Variants in ADAM12 observed in about 807,000 individuals in gnomAD.
The protein encoded by ADAM12 is disintegrin and metalloproteinase domain-containing protein 12.
In ADAM12, 70 loss-of-function variants were observed where a neutral mutation model predicts 106.4. The ratio of observed to expected loss-of-function variants is 0.66; its 90% CI spans 0.54 to 0.80. ADAM12 has a LOEUF of 0.80. Ranked by LOEUF, ADAM12 falls within the 30% of genes least tolerant of loss-of-function variation. The pLI, the probability that ADAM12 is intolerant of heterozygous loss-of-function variation, is 0.00. For missense variants in ADAM12, 1,010 were observed against 1,171.9 expected (o/e 0.86, Z 2.02); for synonymous variants, 420 against 433.5 (o/e 0.97, Z 0.39).
At chr10:126,081,381 A>G (rs200675742) in intron 11 of ADAM12, among the ~76,000 whole-genome samples, 15 of 36,992 alleles carry the variant, frequency 4.1e-4, no homozygotes, top group African/African-American at 1.6e-3. Context: ...TGATTGGGGG[A>G]AAAAAACAAA....
chr10:126,104,053 G>A (rs1026522473), intron 8 of ADAM12, among the ~76,000 whole-genome samples: 3 of 152,200 alleles, frequency 2.0e-5, no homozygotes, highest in East Asian at 1.9e-4. Context: ...ACAGTGAGGC[G>A]GAATCCCCTG....
chr10:126,098,623 G>A, intron 9 of ADAM12, 123 bp from the exon 10 acceptor site: 2 of 748,970 alleles, frequency 2.7e-6, no homozygotes. Context: ...CTGTATGAGG[G>A]TATATTCACA....
At chr10:126,120,847 G>A (rs1244042357) in intron 5 of ADAM12, among the ~76,000 whole-genome samples, 1 of 144,630 alleles carries the variant, frequency 6.9e-6, no homozygotes, top group Non-Finnish European at 1.5e-5. Context: ...AATGGAATGA[G>A]GTTTAGGGCA....
chr10:126,381,178 A>G (rs1194812069), intron 1 of ADAM12, among the ~76,000 whole-genome samples: 1 of 152,242 alleles, frequency 6.6e-6, no homozygotes, highest in Non-Finnish European at 1.5e-5. Flanking sequence ...TTGTTTCCAC[A>G]AGGAAGGAGT....
intron 14 of ADAM12, among the ~76,000 whole-genome samples, chr10:126,063,308 TAC>T (rs1194338341): frequency 6.6e-6 from 1 of 152,170 alleles, no homozygotes; most frequent in African/African-American, 2.4e-5. Flanking sequence ...AAGCTCCAAG[TAC>T]AGAGGACATC....
chr10:126,058,650 A>G (rs1379495472), intron 14 of ADAM12, among the ~76,000 whole-genome samples: 3 of 152,188 alleles, frequency 2.0e-5, no homozygotes, highest in Non-Finnish European at 4.4e-5. Context: ...AAAGGCACGG[A>G]GCCCGCAGAC....
At chr10:126,296,454 T>G (rs1005120291) in intron 2 of ADAM12, among the ~76,000 whole-genome samples, 2 of 152,164 alleles carry the variant, frequency 1.3e-5, no homozygotes, top group Non-Finnish European at 2.9e-5. Context: ...TTTTTAAATG[T>G]AGTCGAGAAG....
chr10:126,349,743 C>T (rs894203565), intron 1 of ADAM12, among the ~76,000 whole-genome samples: 3 of 152,146 alleles, frequency 2.0e-5, no homozygotes, highest in South Asian at 2.1e-4. Flanking sequence ...CTCAACAATC[C>T]GCATATCTCT....
At chr10:126,334,908 C>T (rs1191698053) in intron 1 of ADAM12, among the ~76,000 whole-genome samples, 4 of 152,210 alleles carry the variant, frequency 2.6e-5, no homozygotes, top group Non-Finnish European at 5.9e-5. Context: ...CTGACTCCTC[C>T]TCGATTTATT....
intron 14 of ADAM12, among the ~76,000 whole-genome samples, chr10:126,055,882 G>C (rs1413409500): frequency 6.6e-6 from 1 of 152,224 alleles, no homozygotes; most frequent in Non-Finnish European, 1.5e-5. Context: ...CCCTGCACCT[G>C]AGCATGCTTA....
intron 4 of ADAM12, among the ~76,000 whole-genome samples, chr10:126,142,673 G>A (rs1300089567): frequency 1.3e-5 from 2 of 151,040 alleles, no homozygotes; most frequent in Non-Finnish European, 3.0e-5. Context: ...CCAACAAAAA[G>A]CTATCACCTA....
At position 126,260,558 on chromosome 10, in the gene ADAM12, C is replaced by T. The variant is rs1290062626; in HGVS notation, c.260+18357G>A. The stretch of plus-strand genomic sequence containing the variant: ...TAAATGTTTACAGGCAAGCAGGTCC[C>T]TCATTCTGAACATACAGAGGTTGAA... On this transcript the variant is annotated intron_variant, in intron 3 of 22. Coordinates refer to ENST00000448723, the MANE Select transcript of ADAM12 (RefSeq NM_001288973.2). Among the ~76,000 whole-genome samples, 4 of 59,522 alleles carry T rather than the reference C, an allele frequency of 6.7e-5. No homozygotes were observed. The Admixed American group carries it at 7.0e-4, about 10-fold the overall frequency. The allele number at this position is 59,522 out of a possible 152,430, so 39.0% of individuals were successfully genotyped here. A position where few individuals can be genotyped will look rare whatever the true frequency, so the allele number is the denominator to read the frequency against.
intron 12 of ADAM12, among the ~76,000 whole-genome samples, chr10:126,067,307 G>T (rs7919935): frequency 6.6e-6 from 1 of 152,210 alleles, no homozygotes; most frequent in African/African-American, 2.4e-5. Flanking sequence ...CTGCAATCTC[G>T]CCAGGGTTGT....
chr10:126,233,175 G>A (rs1487967709), intron 3 of ADAM12, among the ~76,000 whole-genome samples: 1 of 152,088 alleles, frequency 6.6e-6, no homozygotes, highest in East Asian at 1.9e-4. Context: ...CAGGGTGTGC[G>A]GGAGAAGAAC....
chr10:126,216,042 T>C (rs1293064802), intron 3 of ADAM12, among the ~76,000 whole-genome samples: 2 of 152,196 alleles, frequency 1.3e-5, no homozygotes, highest in Admixed American at 1.3e-4. Flanking sequence ...GGCCTTTTGT[T>C]TTCCCCTTTC....
chr10:126,069,259 C>T (rs1216875459), intron 12 of ADAM12, among the ~76,000 whole-genome samples: 5 of 152,144 alleles, frequency 3.3e-5, no homozygotes, highest in Non-Finnish European at 7.4e-5. Flanking sequence ...ATAATAACTA[C>T]TTGAAACTAT....
chr10:126,163,268 T>C (rs1956967844), intron 3 of ADAM12, among the ~76,000 whole-genome samples: 1 of 152,220 alleles, frequency 6.6e-6, no homozygotes, highest in Non-Finnish European at 1.5e-5. Flanking sequence ...TGAGAGCTGT[T>C]CTCTTTCTTG....
At chr10:126,280,570 C>T (rs1009279447) in intron 2 of ADAM12, among the ~76,000 whole-genome samples, 1 of 152,072 alleles carries the variant, frequency 6.6e-6, no homozygotes, top group Non-Finnish European at 1.5e-5. Flanking sequence ...TGATAAAGAC[C>T]TAAAACTTAC....
chr10:126,138,665 C>G (rs1418977510), intron 4 of ADAM12, among the ~76,000 whole-genome samples: 2 of 152,320 alleles, frequency 1.3e-5, no homozygotes, highest in East Asian at 3.9e-4. Flanking sequence ...CGTGAGCCAT[C>G]AGAACTGGCC....
Sources: allele counts gnomAD v4.1 joint callset (sites outside exome capture counted in the v4.1 genomes callset), GRCh38; gene constraint gnomAD v4.1.1; transcripts MANE v1.5; gene names NCBI Gene and HGNC (gene_info 2026-07-23, HGNC 2026-07-21).